Variants in ANKRD18B observed in about 807,000 individuals in gnomAD.
The protein encoded by ANKRD18B is ankyrin repeat domain 18B.
ANKRD18B carries 75 observed loss-of-function variants against 111.8 expected under a neutral mutation model. That is an observed-to-expected ratio of 0.67 (90% confidence interval 0.56 to 0.81). ANKRD18B has a LOEUF of 0.81. Ranked by LOEUF, ANKRD18B falls within the 40% of genes least tolerant of loss-of-function variation. The pLI is 0.00. For missense variants in ANKRD18B, 1,038 were observed against 1,225.5 expected (o/e 0.85, Z 2.28); for synonymous variants, 356 against 417.3 (o/e 0.85, Z 1.79).
At position 33,529,046 on chromosome 9, in the gene ANKRD18B, G is replaced by T; in HGVS notation, c.368G>T (p.Arg123Leu). 1 of 1,612,210 alleles carries T rather than the reference G, an allele frequency of 6.2e-7. No homozygotes were observed. The highest frequency in any genetic ancestry group is 8.5e-7 in the Non-Finnish European group (1 of 1,179,838). Residue 123 changes from arginine to leucine, a missense_variant, in exon 3 of 19, where the codon CGT becomes CTT. Coordinates refer to ENST00000684830, the MANE Select transcript of ANKRD18B (RefSeq NM_001393611.1). ...EEACAIILLK[R>L]GANPNIKDIY... is the part of the protein sequence containing the mutation. ...GCTTGTGCCATTATTCTCCTGAAAC[G>T]TGGCGCCAATCCAAACATTAAGGAT...
At chr9:33,540,411 A>C (rs1303677512) in intron 8 of ANKRD18B, among the ~76,000 whole-genome samples, 199 bp downstream of exon 8, 1 of 152,206 alleles carries the variant, frequency 6.6e-6, no homozygotes, top group Non-Finnish European at 1.5e-5. Flanking sequence ...GGCACCGGGA[A>C]AGCAAATGTA....
At chr9:33,556,612 G>A (rs4008868) in intron 13 of ANKRD18B, among the ~76,000 whole-genome samples, 38,965 of 151,954 alleles carry the variant, frequency 0.26, 5,653 homozygotes, top group Non-Finnish European at 0.33. Context: ...AATGTCAAGC[G>A]CACTTTTCAT....
chr9:33,561,874 G>A (rs73645505), intron 14 of ANKRD18B, among the ~76,000 whole-genome samples: 160 of 152,116 alleles, frequency 1.1e-3, no homozygotes, highest in African/African-American at 3.5e-3. Context: ...TCTATTCTTA[G>A]TTTATGTCTA....
intron 10 of ANKRD18B, among the ~76,000 whole-genome samples, chr9:33,547,581 G>T (rs1480965765): frequency 6.6e-6 from 1 of 151,898 alleles, no homozygotes; most frequent in African/African-American, 2.4e-5. Flanking sequence ...CTTTTTCCAA[G>T]ATTTTAATTT....
At chr9:33,530,329 T>A (rs1427867962) in intron 3 of ANKRD18B, among the ~76,000 whole-genome samples, 1 of 152,122 alleles carries the variant, frequency 6.6e-6, no homozygotes, top group Non-Finnish European at 1.5e-5. Flanking sequence ...CTTGAAGCCA[T>A]GCACAGTGGC....
intron 12 of ANKRD18B, among the ~76,000 whole-genome samples, chr9:33,554,288 C>G (rs1019051254): frequency 2.0e-5 from 3 of 152,004 alleles, no homozygotes; most frequent in Non-Finnish European, 4.4e-5. Flanking sequence ...ACAGTGTACT[C>G]AAAGTAACAT....
At chr9:33,563,440 G>A (rs1828636515) in intron 14 of ANKRD18B, among the ~76,000 whole-genome samples, 1 of 152,062 alleles carries the variant, frequency 6.6e-6, no homozygotes, top group Non-Finnish European at 1.5e-5. Context: ...GCTGGGGCAG[G>A]CAGCATGAAC....
chr9:33,525,973 T>G (rs1828019924), intron 1 of ANKRD18B, among the ~76,000 whole-genome samples: 1 of 152,036 alleles, frequency 6.6e-6, no homozygotes. Flanking sequence ...AGAAAAGAAC[T>G]CTAACAGTGA....
Position 33,543,252 on chromosome 9 carries a change from G to A in ANKRD18B, c.1146G>A (p.Pro382=), listed in dbSNP as rs1304072736. 10 of 1,548,674 alleles carry A rather than the reference G, an allele frequency of 6.5e-6. No homozygotes were observed. Among genetic ancestry groups the A allele is most frequent in the East Asian group, 4.9e-5 (2 of 40,916 alleles). ...TTGAAAGAAGTGAAAATAAACAGCC[G>A]CAGGTATATAACAATTTAAATTTCT... The part of the protein sequence containing the change: ...ERLERSENKQ[P]QDSQSYGKKK... Residue 382 remains proline (P), a synonymous_variant, in exon 10 of 19, where the codon CCG becomes CCA. Transcript: ENST00000684830.
At position 33,548,548 on chromosome 9, in the gene ANKRD18B, A is replaced by G; in HGVS notation, c.1760A>G (p.His587Arg). The change falls in exon 11 of 19, where the codon CAT (histidine) becomes CGT (arginine). Residue 587 changes from histidine to arginine, a missense_variant. Transcript: ENST00000684830. ...CAGCTGGACCTAAAGCAAGCGCAGC[A>G]TCGAATAAAGGAAATGAAGCAGATG... ...SVQLDLKQAQ[H>R]RIKEMKQMHP... 6.4e-7 allele frequency: 1 copy of G among 1,551,058 alleles called. No individual in the cohort carries two copies. The highest frequency in any genetic ancestry group is 8.7e-7 in the Non-Finnish European group (1 of 1,146,576).
At chr9:33,564,484 G>A (rs1288545119) in intron 14 of ANKRD18B, among the ~76,000 whole-genome samples, 7 of 152,184 alleles carry the variant, frequency 4.6e-5, no homozygotes, top group Non-Finnish European at 1.0e-4. Context: ...TAGCTGTTGT[G>A]AATAGTGCTA....
chr9:33,534,240 G>T, intron 4 of ANKRD18B, 130 bp from the exon 5 acceptor site: 4 of 1,274,076 alleles, frequency 3.1e-6, no homozygotes, highest in Non-Finnish European at 4.2e-6. Context: ...ATACACATAA[G>T]CTAGTACATG....
At chr9:33,567,597 G>A (rs765304223) in intron 16 of ANKRD18B, among the ~76,000 whole-genome samples, 1 of 152,004 alleles carries the variant, frequency 6.6e-6, no homozygotes, top group Non-Finnish European at 1.5e-5. Flanking sequence ...TATTTTTGAA[G>A]CTTTATGATA....
Position 33,533,529 on chromosome 9 carries a change from G to T in ANKRD18B, c.586G>T (p.Val196Phe). The change falls in exon 4 of 19, where the codon GTT becomes TTT. Residue 196 changes from valine to phenylalanine, a missense_variant. By Grantham distance (50) the Val-to-Phe change is conservative. Transcript: ENST00000684830. ...GAAGAACCAGGCAAATATACATGCC[G>T]TTGACAATTTCAAAAGGTGCAATAG... ...LLKNQANIHA[V>F]DNFKRTALIL... The T allele has an allele frequency of 3.3e-6, 5 of 1,530,286 alleles. No individual in the cohort carries two copies. The highest frequency in any genetic ancestry group is 4.4e-6 in the Non-Finnish European group (5 of 1,140,830). 94.8% of individuals were successfully genotyped at this position (1,530,286 alleles called of 1,614,324 possible).
downstream of ANKRD18B, among the ~76,000 whole-genome samples, chr9:33,573,585 T>G (rs1828817650): frequency 1.4e-5 from 2 of 144,116 alleles, 1 homozygote; most frequent in South Asian, 4.6e-4. Context: ...GCGGGGTGAG[T>G]GTGAAGCTGG....
chr9:33,543,208 G>A lies in ANKRD18B; in HGVS notation c.1102G>A (p.Glu368Lys). 1 of 1,553,056 alleles carries A rather than the reference G, an allele frequency of 6.4e-7. No homozygotes were observed. Among genetic ancestry groups the A allele is most frequent in the South Asian group, 1.2e-5 (1 of 84,064 alleles). Residue 368 changes from glutamate to lysine, a missense_variant, in exon 10 of 19, where the codon GAG becomes AAG. Physicochemically the swap from Glu to Lys is moderately conservative, Grantham distance 56. Transcript: ENST00000684830. Reference sequence around the variant, plus strand: ...AGAACACAACTTAAAAGTGGCTTCAGAGGAAAAGCAAGAAAGGCTTGAAAG... The same window carrying A: ...AGAACACAACTTAAAAGTGGCTTCAAAGGAAAAGCAAGAAAGGCTTGAAAG... ...AKEHNLKVAS[E>K]EKQERLERSE...
Position 33,524,553 on chromosome 9 carries a change from G to T in ANKRD18B, c.64G>T (p.Glu22Ter), listed in dbSNP as rs1171976433. The T allele has an allele frequency of 6.4e-7, 1 of 1,551,362 alleles. No homozygotes were observed. The highest frequency in any genetic ancestry group is 8.7e-7 in the Non-Finnish European group (1 of 1,146,840). ...GQALLSSMDQ[E>*]YAGRGYHIRD... ...GGCGCTCCTGAGCTCCATGGACCAA[G>T]AGTATGCGGGTCGGGGGTACCACAT... Residue 22 changes from glutamate to a stop codon, truncating the protein, a stop_gained, in exon 1 of 19, where the codon GAG (glutamate) becomes TAG (stop). Transcript: ENST00000684830. LOFTEE classifies it high-confidence loss of function.
At chr9:33,532,560 G>C (rs1257196024) in intron 3 of ANKRD18B, among the ~76,000 whole-genome samples, 1 of 152,106 alleles carries the variant, frequency 6.6e-6, no homozygotes, top group Non-Finnish European at 1.5e-5. Context: ...CTTTCTAATA[G>C]TTAAGATAAA....
chr9:33,524,481 G>T lies in ANKRD18B; in HGVS notation c.-9G>T. 6.5e-7 allele frequency: 1 copy of T among 1,542,778 alleles called. No homozygotes were observed. The highest frequency in any genetic ancestry group is 8.7e-7 in the Non-Finnish European group (1 of 1,143,174). Reference sequence around the variant, plus strand: ...GGAGCGGGTGGTGGGCATCTGAGAAGTCGCCACCATGAGGAAGCTCCTCAG... The same window carrying T: ...GGAGCGGGTGGTGGGCATCTGAGAATTCGCCACCATGAGGAAGCTCCTCAG... On this transcript the variant is annotated 5_prime_UTR_variant, in exon 1 of 19. Coordinates refer to ENST00000684830, the MANE Select transcript of ANKRD18B (RefSeq NM_001393611.1).
Sources: gnomAD v4.1 joint callset for allele counts (sites outside exome capture counted in the v4.1 genomes callset) on GRCh38, gnomAD v4.1.1 for gene constraint, MANE v1.5 for transcripts, NCBI Gene and HGNC (gene_info 2026-07-23, HGNC 2026-07-21) for gene names.